CPNE8: variants seen among roughly 807,000 people sequenced by gnomAD.
CPNE8 encodes copine-8.
CPNE8 carries 45 observed loss-of-function variants against 81.5 expected under a neutral mutation model. That is an observed-to-expected ratio of 0.55 (90% confidence interval 0.44 to 0.71). The LOEUF (loss-of-function observed/expected upper bound fraction) is 0.71, where lower values mean the gene tolerates loss of function less well. Among genes scored for constraint, CPNE8 ranks in the 30% least tolerant of loss-of-function variants. The pLI is 0.00. For missense variants in CPNE8, 594 were observed against 672.1 expected (o/e 0.88, Z 1.28); for synonymous variants, 252 against 226.3 (o/e 1.11, Z -1.02).
At chr12:38,885,148 T>C (rs1328487446) in intron 1 of CPNE8, among the ~76,000 whole-genome samples, 1 of 152,170 alleles carries the variant, frequency 6.6e-6, no homozygotes, top group African/African-American at 2.4e-5. Flanking sequence ...ATTTATATGA[T>C]AATGAATGTA....
chr12:38,766,343 A>C (rs1277159019), intron 8 of CPNE8, among the ~76,000 whole-genome samples: 1 of 152,178 alleles, frequency 6.6e-6, no homozygotes, highest in African/African-American at 2.4e-5. Flanking sequence ...AGAAATTCAG[A>C]ATCATTCTTG....
chr12:38,861,435 T>G (rs758549176), intron 3 of CPNE8, among the ~76,000 whole-genome samples: 1 of 152,076 alleles, frequency 6.6e-6, no homozygotes, highest in Non-Finnish European at 1.5e-5. Flanking sequence ...AAACGACTTA[T>G]TAAACTTTCA....
intron 3 of CPNE8, among the ~76,000 whole-genome samples, chr12:38,860,845 G>A (rs1023800280): frequency 1.3e-5 from 2 of 152,182 alleles, no homozygotes; most frequent in African/African-American, 2.4e-5. Flanking sequence ...GGGTTGAAGG[G>A]AGGGAAAACT....
intron 9 of CPNE8, among the ~76,000 whole-genome samples, chr12:38,761,828 A>G (rs1026861107): frequency 6.6e-6 from 1 of 152,182 alleles, no homozygotes; most frequent in African/African-American, 2.4e-5. Flanking sequence ...CAGGGTTGAC[A>G]ATATGTCTAA....
chr12:38,788,772 T>G (rs1003352057), intron 6 of CPNE8, among the ~76,000 whole-genome samples: 1 of 151,742 alleles, frequency 6.6e-6, no homozygotes, highest in Admixed American at 6.6e-5. Context: ...TTGAAGGATA[T>G]AAAATCAACG....
intron 6 of CPNE8, among the ~76,000 whole-genome samples, chr12:38,807,817 C>A (rs1332039375): frequency 6.6e-6 from 1 of 151,828 alleles, no homozygotes; most frequent in Non-Finnish European, 1.5e-5. Flanking sequence ...GAACAGGCAA[C>A]CTACAAAATG....
intron 10 of CPNE8, among the ~76,000 whole-genome samples, chr12:38,757,123 A>T (rs1941478291): frequency 6.6e-6 from 1 of 152,144 alleles, no homozygotes; most frequent in Admixed American, 6.6e-5. Flanking sequence ...GTTCTCAAAA[A>T]ACATCCACTG....
rs1939274642 is a variant in CPNE8, at chr12:38,675,784, GA to G, written c.1375-11del. On this transcript the variant is annotated splice_polypyrimidine_tract_variant and intron_variant, in intron 17 of 19. Transcript: ENST00000331366. ...TTGGAAGTTTTGAGGCCTTCAAAGAGAATATACAATTAGGTTTCAATTAAGA... is the reference window on the plus strand; with the variant it reads ...TTGGAAGTTTTGAGGCCTTCAAAGAGATATACAATTAGGTTTCAATTAAGA... 1 of 1,556,122 alleles carries G rather than the reference GA, an allele frequency of 6.4e-7. No individual in the cohort carries two copies.
chr12:38,807,146 GAA>G (rs1942828341), intron 6 of CPNE8, among the ~76,000 whole-genome samples: 1 of 151,862 alleles, frequency 6.6e-6, no homozygotes, highest in African/African-American at 2.4e-5. Context: ...TGGGTAGGAA[GAA>G]TCAATATCGT....
chr12:38,821,627 C>T (rs143001218), intron 6 of CPNE8, among the ~76,000 whole-genome samples: 71 of 152,294 alleles, frequency 4.7e-4, no homozygotes, highest in African/African-American at 1.3e-3. Context: ...AAAACTCATT[C>T]ATTTTACCTA....
At chr12:38,788,818 T>C (rs1942259860) in intron 6 of CPNE8, among the ~76,000 whole-genome samples, 1 of 151,610 alleles carries the variant, frequency 6.6e-6, no homozygotes, top group African/African-American at 2.4e-5. Flanking sequence ...TCAAAGTGAA[T>C]AATTTGAAAA....
chr12:38,755,949 A>AT (rs1436701061), intron 10 of CPNE8, among the ~76,000 whole-genome samples: 1 of 146,070 alleles, frequency 6.8e-6, no homozygotes, highest in Non-Finnish European at 1.5e-5. Flanking sequence ...CTGAGGCAGG[A>AT]GAATGACGTG....
At chr12:38,820,264 G>A (rs971847103) in intron 6 of CPNE8, among the ~76,000 whole-genome samples, 1 of 151,966 alleles carries the variant, frequency 6.6e-6, no homozygotes, top group Non-Finnish European at 1.5e-5. Context: ...AATTAGCCGG[G>A]CGTGGTGATG....
chr12:38,798,840 A>G (rs907012668), intron 6 of CPNE8, among the ~76,000 whole-genome samples: 2 of 152,168 alleles, frequency 1.3e-5, no homozygotes, highest in African/African-American at 4.8e-5. Context: ...CTCAAAATAA[A>G]AGGATGGAGG....
intron 6 of CPNE8, among the ~76,000 whole-genome samples, chr12:38,798,578 C>G (rs1281361057): frequency 6.6e-6 from 1 of 151,932 alleles, no homozygotes; most frequent in Admixed American, 6.6e-5. Context: ...CAACCGGTAC[C>G]AGCCACTGCA....
intron 1 of CPNE8, among the ~76,000 whole-genome samples, chr12:38,899,039 A>T (rs1338539356): frequency 6.6e-6 from 1 of 152,204 alleles, no homozygotes. Context: ...TATACCTGCT[A>T]TCACAACTTT....
At chr12:38,855,909 G>A (rs531420793) in intron 3 of CPNE8, among the ~76,000 whole-genome samples, 1 of 151,936 alleles carries the variant, frequency 6.6e-6, no homozygotes, top group South Asian at 2.1e-4. Context: ...CTGAAAGAAA[G>A]AGACAGAAAG....
chr12:38,763,045 G>A (rs1280373533), intron 8 of CPNE8, among the ~76,000 whole-genome samples: 1 of 152,194 alleles, frequency 6.6e-6, no homozygotes, highest in Non-Finnish European at 1.5e-5. Flanking sequence ...TTTTAGTAGA[G>A]ACGATGTTGC....
At chr12:38,834,255 T>A (rs1943346020) in intron 5 of CPNE8, among the ~76,000 whole-genome samples, 1 of 152,210 alleles carries the variant, frequency 6.6e-6, no homozygotes, top group Non-Finnish European at 1.5e-5. Context: ...GGTTAGTAAA[T>A]CTATATCTTA....
Sources: allele counts gnomAD v4.1 joint callset (sites outside exome capture counted in the v4.1 genomes callset), GRCh38; gene constraint gnomAD v4.1.1; transcripts MANE v1.5; gene names NCBI Gene and HGNC (gene_info 2026-07-23, HGNC 2026-07-21).